Variants in KIAA1217 observed in about 807,000 individuals in gnomAD.
KIAA1217 encodes the protein KIAA1217.
KIAA1217 carries 88 observed loss-of-function variants against 163.9 expected under a neutral mutation model. The observed-to-expected ratio is 0.54, with a 90% CI of 0.45 to 0.64. KIAA1217 has a LOEUF of 0.64. Among genes scored for constraint, KIAA1217 ranks in the 30% least tolerant of loss-of-function variants. The pLI, the probability that KIAA1217 is intolerant of heterozygous loss-of-function variation, is 0.00. For synonymous variants in KIAA1217, 903 were observed against 923.1 expected, an observed-to-expected ratio of 0.98 and a Z score of 0.39; for missense variants, 2,372 against 2,475.0, an observed-to-expected ratio of 0.96 and a Z score of 0.88.
rs775712709 is a variant in KIAA1217 at position 24,521,943 on chromosome 10, C to T, written c.2456+14C>T. ...CATGCTGCGGAGGTGACCGGGCCCTCATCGTGCTGGGGGTGGCCTGCGGAG... is the reference window on the plus strand; with the variant it reads ...CATGCTGCGGAGGTGACCGGGCCCTTATCGTGCTGGGGGTGGCCTGCGGAG... On this transcript the variant is annotated intron_variant, in intron 12 of 20. Coordinates refer to ENST00000376454, the MANE Select transcript of KIAA1217 (RefSeq NM_019590.5). 2 of 1,600,268 alleles carry T rather than the reference C, an allele frequency of 1.2e-6. No individual in the cohort carries two copies. Among genetic ancestry groups the T allele is most frequent in the Non-Finnish European group, 1.7e-6 (2 of 1,172,540 alleles).
chr10:24,212,640 T>C (rs892752987), intron 1 of KIAA1217, among the ~76,000 whole-genome samples: 6 of 152,194 alleles, frequency 3.9e-5, no homozygotes, highest in African/African-American at 1.4e-4. Context: ...ATGGCTTCAT[T>C]TTTAGTTCTC....
chr10:24,218,118 C>G (rs1244949464), intron 1 of KIAA1217, among the ~76,000 whole-genome samples: 1 of 152,086 alleles, frequency 6.6e-6, no homozygotes, highest in Non-Finnish European at 1.5e-5. Context: ...TGAAGAGAGC[C>G]TGTCTAACTC....
intron 1 of KIAA1217, among the ~76,000 whole-genome samples, chr10:23,901,338 T>C (rs1161225725): frequency 2.0e-5 from 3 of 152,100 alleles, no homozygotes; most frequent in Admixed American, 2.0e-4. Flanking sequence ...TATTGAAAAC[T>C]TTAAAAAATT....
intron 3 of KIAA1217, among the ~76,000 whole-genome samples, chr10:24,421,044 A>G: frequency 6.6e-6 from 1 of 152,014 alleles, no homozygotes; most frequent in African/African-American, 2.4e-5. Flanking sequence ...TTGCTCTGTC[A>G]CCCAGGCTGG....
intron 1 of KIAA1217, among the ~76,000 whole-genome samples, chr10:23,751,013 T>G (rs571438713): frequency 3.3e-4 from 50 of 151,698 alleles, no homozygotes; most frequent in South Asian, 2.7e-3. Context: ...TTTGTTTTTT[T>G]TTTGTTTGTT....
At chr10:24,340,447 T>C (rs1408233235) in intron 2 of KIAA1217, among the ~76,000 whole-genome samples, 1 of 152,220 alleles carries the variant, frequency 6.6e-6, no homozygotes, top group African/African-American at 2.4e-5. Flanking sequence ...TCCACCATGA[T>C]TGTGAGGCCT....
intron 6 of KIAA1217, among the ~76,000 whole-genome samples, chr10:24,490,979 C>A (rs998932310): frequency 6.6e-6 from 1 of 152,186 alleles, no homozygotes; most frequent in Non-Finnish European, 1.5e-5. Context: ...AGCACCCAGA[C>A]TCTTATCCCA....
Position 24,544,140 on chromosome 10 carries a change from G to C in KIAA1217, c.4870G>C (p.Glu1624Gln), listed in dbSNP as rs748580908. 2 of 1,613,962 alleles carry C rather than the reference G, an allele frequency of 1.2e-6. No homozygotes were observed. The highest frequency in any genetic ancestry group is 1.7e-6 in the Non-Finnish European group (2 of 1,180,050). ...ACAGCACAAAGAAGCCAAGCGCTTC[G>C]AAATCGCTAGGTCTCAACCTGAAGA... is the stretch of plus-strand genomic sequence containing the variant. Reference protein sequence around the residue: ...LKQHKEAKRFEIARSQPEDTP... With the variant: ...LKQHKEAKRFQIARSQPEDTP... Residue 1624 changes from glutamate (E) to glutamine (Q), a missense_variant, in exon 19 of 21, where the codon GAA becomes CAA. By Grantham distance (29) the Glu-to-Gln change is conservative. Transcript: ENST00000376454.
intron 2 of KIAA1217, among the ~76,000 whole-genome samples, chr10:24,052,788 T>C (rs1849609060): frequency 6.6e-6 from 1 of 152,174 alleles, no homozygotes; most frequent in African/African-American, 2.4e-5. Context: ...TATATTGTTA[T>C]ATGCTATATA....
intron 1 of KIAA1217, among the ~76,000 whole-genome samples, chr10:23,981,012 C>A (rs541535487): frequency 1.3e-4 from 20 of 152,226 alleles, no homozygotes; most frequent in African/African-American, 4.8e-4. Context: ...ACTTTAGTTG[C>A]GTGGTCAATT....
At chr10:23,943,850 A>T (rs1381939000) in intron 1 of KIAA1217, among the ~76,000 whole-genome samples, 2 of 152,238 alleles carry the variant, frequency 1.3e-5, no homozygotes, top group Non-Finnish European at 2.9e-5. Context: ...AGAAAGTCCT[A>T]CCTACACATG....
chr10:24,524,253 A>G, intron 12 of KIAA1217, 70 bp from the exon 13 acceptor site: 1 of 1,509,150 alleles, frequency 6.6e-7, no homozygotes, highest in Middle Eastern at 2.2e-4. Flanking sequence ...TTGGGATGAC[A>G]TAGCCTGCAA....
chr10:24,133,292 G>C (rs1360927110), intron 2 of KIAA1217, among the ~76,000 whole-genome samples: 1 of 152,084 alleles, frequency 6.6e-6, no homozygotes, highest in African/African-American at 2.4e-5. Flanking sequence ...AAAGATCTTG[G>C]CTAGGCACGG....
At chr10:23,854,141 G>C (rs1465785818) in intron 1 of KIAA1217, among the ~76,000 whole-genome samples, 1 of 151,956 alleles carries the variant, frequency 6.6e-6, no homozygotes, top group Admixed American at 6.6e-5. Context: ...GCTTTCTCTT[G>C]TGGGCATTTA....
At chr10:23,851,855 G>A (rs1839352100) in intron 1 of KIAA1217, among the ~76,000 whole-genome samples, 3 of 151,220 alleles carry the variant, frequency 2.0e-5, no homozygotes, top group Admixed American at 2.0e-4. Context: ...CTTTTTGATG[G>A]GGTTGTTTGT....
intron 1 of KIAA1217, among the ~76,000 whole-genome samples, chr10:23,778,386 T>C (rs560733470): frequency 6.6e-6 from 1 of 152,350 alleles, no homozygotes; most frequent in African/African-American, 2.4e-5. Flanking sequence ...AAAAATGTAA[T>C]AGACATATGC....
At chr10:24,159,116 G>A (rs2065005447) in intron 2 of KIAA1217, among the ~76,000 whole-genome samples, 1 of 152,142 alleles carries the variant, frequency 6.6e-6, no homozygotes, top group African/African-American at 2.4e-5. Flanking sequence ...TCATGAGAAG[G>A]TGGGGGTGAA....
chr10:23,775,101 A>G (rs758948375), intron 1 of KIAA1217, among the ~76,000 whole-genome samples: 1 of 152,120 alleles, frequency 6.6e-6, no homozygotes, highest in Non-Finnish European at 1.5e-5. Flanking sequence ...ATGCATTTTT[A>G]TAAAGACAGC....
At chr10:23,712,317 G>A (rs540852574) in intron 1 of KIAA1217, among the ~76,000 whole-genome samples, 5 of 152,046 alleles carry the variant, frequency 3.3e-5, no homozygotes, top group African/African-American at 9.6e-5. Flanking sequence ...CTTAGAGTTT[G>A]CCAAGACTGG....
Sources: allele counts gnomAD v4.1 joint callset (sites outside exome capture counted in the v4.1 genomes callset), GRCh38; gene constraint gnomAD v4.1.1; transcripts MANE v1.5; gene names NCBI Gene and HGNC (gene_info 2026-07-23, HGNC 2026-07-21).